Variants in CHST11 observed in about 807,000 individuals in gnomAD.
CHST11 encodes the protein carbohydrate sulfotransferase 11.
Under a neutral mutation model 30.4 loss-of-function variants are expected in CHST11, and 9 were observed. The observed-to-expected ratio is 0.30, with a 90% CI of 0.18 to 0.52. The LOEUF is 0.52. Among genes scored for constraint, CHST11 ranks in the 20% least tolerant of loss-of-function variants. The pLI is 0.97. For synonymous variants in CHST11, 152 were observed against 187.8 expected (o/e 0.81, Z 1.56); for missense variants, 348 against 460.6 (o/e 0.76, Z 2.24).
chr12:104,751,473 A>C (rs966276955), intron 2 of CHST11, among the ~76,000 whole-genome samples: 1 of 152,216 alleles, frequency 6.6e-6, no homozygotes, highest in Admixed American at 6.5e-5. Context: ...ATCGGCTAAG[A>C]AGTCATGAAT....
chr12:104,716,948 C>T (rs898562853), intron 2 of CHST11, among the ~76,000 whole-genome samples: 1 of 152,196 alleles, frequency 6.6e-6, no homozygotes, highest in African/African-American at 2.4e-5. Context: ...TCGGGGGCCA[C>T]CTTCATTCCT....
In CHST11 at chr12:104,537,072, C is replaced by G. The variant is rs190022692; in HGVS notation, c.119-64834C>G. Reference sequence around the variant, plus strand: ...CATGTGCATGGCTGCCCTCTGGTTACACACCACATTGCACGCAGGTGTGTG... The same window carrying G: ...CATGTGCATGGCTGCCCTCTGGTTAGACACCACATTGCACGCAGGTGTGTG... On this transcript the variant is annotated intron_variant, in intron 1 of 2. Coordinates refer to ENST00000303694, the MANE Select transcript of CHST11 (RefSeq NM_018413.6). Among the ~76,000 whole-genome samples the G allele has an allele frequency of 3.9e-5, 6 of 152,312 alleles. No homozygotes were observed. In the East Asian group the frequency reaches 1.2e-3, roughly 29 times the overall value.
intron 2 of CHST11, among the ~76,000 whole-genome samples, chr12:104,624,527 A>AGCT (rs1555237941): frequency 6.6e-6 from 1 of 151,578 alleles, no homozygotes; most frequent in Non-Finnish European, 1.5e-5. Flanking sequence ...AAATGAATGA[A>AGCT]GGGAAAAATG....
At chr12:104,599,171 C>A (rs2038934579) in intron 1 of CHST11, among the ~76,000 whole-genome samples, 1 of 152,170 alleles carries the variant, frequency 6.6e-6, no homozygotes, top group Non-Finnish European at 1.5e-5. Flanking sequence ...TCTGGGGAGC[C>A]AAGGCCGGTT....
chr12:104,598,455 G>A (rs1365419671), intron 1 of CHST11, among the ~76,000 whole-genome samples: 1 of 152,126 alleles, frequency 6.6e-6, no homozygotes, highest in Non-Finnish European at 1.5e-5. Flanking sequence ...TTCTGTAATT[G>A]GATGCTCAAG....
At chr12:104,658,374 C>T (rs575228057) in intron 2 of CHST11, among the ~76,000 whole-genome samples, 14 of 152,222 alleles carry the variant, frequency 9.2e-5, no homozygotes, top group Admixed American at 1.3e-4. Flanking sequence ...CTCCTTGTGT[C>T]TCTGTGCAAA....
chr12:104,602,672 T>G (rs987896092), intron 2 of CHST11, among the ~76,000 whole-genome samples: 2 of 152,204 alleles, frequency 1.3e-5, no homozygotes, highest in Admixed American at 6.5e-5. Flanking sequence ...ACTCTGGGGC[T>G]GATCCTTTTG....
At chr12:104,604,553 G>C (rs1038267950) in intron 2 of CHST11, among the ~76,000 whole-genome samples, 3 of 152,166 alleles carry the variant, frequency 2.0e-5, no homozygotes, top group Non-Finnish European at 4.4e-5. Context: ...AAGGGAGTGA[G>C]AGCTTCTACT....
intron 2 of CHST11, among the ~76,000 whole-genome samples, chr12:104,665,758 G>C (rs889023412): frequency 3.6e-4 from 34 of 95,554 alleles, no homozygotes; most frequent in Non-Finnish European, 5.4e-4. Flanking sequence ...TTTGTGGGGT[G>C]GGGGGTGGGG....
At chr12:104,555,397 A>AT (rs1417164886) in intron 1 of CHST11, among the ~76,000 whole-genome samples, 34 of 152,306 alleles carry the variant, frequency 2.2e-4, no homozygotes, top group African/African-American at 6.7e-4. Flanking sequence ...TGTGGGTTAA[A>AT]TTTCTGTAAT....
intron 1 of CHST11, among the ~76,000 whole-genome samples, chr12:104,485,536 C>T (rs1458154375): frequency 1.3e-5 from 2 of 151,986 alleles, no homozygotes; most frequent in Non-Finnish European, 2.9e-5. Flanking sequence ...AGAGGGTGAA[C>T]TGGCCATCTG....
At chr12:104,614,910 A>C (rs372582081) in intron 2 of CHST11, among the ~76,000 whole-genome samples, 6 of 152,316 alleles carry the variant, frequency 3.9e-5, no homozygotes, top group African/African-American at 1.4e-4. Context: ...GGCGTTCTCC[A>C]TCCACACCCC....
At chr12:104,683,647 G>A (rs760177164) in intron 2 of CHST11, among the ~76,000 whole-genome samples, 12 of 152,160 alleles carry the variant, frequency 7.9e-5, no homozygotes, top group Non-Finnish European at 1.0e-4. Flanking sequence ...TTGATTTGCC[G>A]ACACCAGATT....
chr12:104,639,959 A>G (rs1253899424), intron 2 of CHST11, among the ~76,000 whole-genome samples: 2 of 152,260 alleles, frequency 1.3e-5, no homozygotes, highest in East Asian at 3.8e-4. Context: ...ACAGATGGCA[A>G]GTAAGCATAA....
At chr12:104,514,441 A>C (rs1055415612) in intron 1 of CHST11, 10 of 865,602 alleles carry the variant, frequency 1.2e-5, no homozygotes, top group Middle Eastern at 3.1e-4. Context: ...ACCATGTGAG[A>C]CTCTGTGGGG....
chr12:104,664,199 G>A (rs978643845), intron 2 of CHST11, among the ~76,000 whole-genome samples: 3 of 152,162 alleles, frequency 2.0e-5, no homozygotes, highest in Non-Finnish European at 4.4e-5. Flanking sequence ...GGGAGACCAC[G>A]AGGTGAACTG....
At chr12:104,651,063 A>G (rs2039485457) in intron 2 of CHST11, among the ~76,000 whole-genome samples, 1 of 152,224 alleles carries the variant, frequency 6.6e-6, no homozygotes, top group South Asian at 2.1e-4. Context: ...CAAATAGCCA[A>G]GCCAACCTTT....
At chr12:104,601,882 T>A (rs1212373854) in intron 1 of CHST11, 24 bp from the exon 2 acceptor site, 1 of 1,585,988 alleles carries the variant, frequency 6.3e-7, no homozygotes, top group Non-Finnish European at 8.7e-7. Flanking sequence ...TCATTTCTGA[T>A]GAGCCTTCAC....
chr12:104,477,184 C>T (rs1250202328), intron 1 of CHST11, among the ~76,000 whole-genome samples: 1 of 152,168 alleles, frequency 6.6e-6, no homozygotes, highest in Non-Finnish European at 1.5e-5. Context: ...ATTTTCACTG[C>T]TACTCACTAG....
Sources: allele counts gnomAD v4.1 joint callset (sites outside exome capture counted in the v4.1 genomes callset), GRCh38; gene constraint gnomAD v4.1.1; transcripts MANE v1.5; gene names NCBI Gene and HGNC (gene_info 2026-07-23, HGNC 2026-07-21).